Variants in DPEP3 observed in about 807,000 individuals in gnomAD.
The protein encoded by DPEP3 is dipeptidase 3, also known as membrane-bound dipeptidase 3.
A neutral mutation model predicts 47.5 loss-of-function variants in DPEP3; 42 were observed. The ratio of observed to expected loss-of-function variants is 0.88; its 90% CI spans 0.69 to 1.14. The LOEUF is 1.14. DPEP3 is among the 50% of genes most tolerant of loss of function. The pLI is 0.00. For missense variants in DPEP3, 560 were observed against 635.0 expected (o/e 0.88, Z 1.27); for synonymous variants, 276 against 270.2 (o/e 1.02, Z -0.21).
chr16:67,980,021 A>G, intron 1 of DPEP3, 73 bp downstream of exon 1: 1 of 1,528,940 alleles, frequency 6.5e-7, no homozygotes, highest in Non-Finnish European at 8.8e-7. Flanking sequence ...CCTCCTTGAT[A>G]GCATGCTCAG....
chr16:67,979,260 C>T (rs1269327161), intron 2 of DPEP3, among the ~76,000 whole-genome samples: 2 of 152,128 alleles, frequency 1.3e-5, no homozygotes, highest in African/African-American at 4.8e-5. Context: ...GAACCGAGAT[C>T]GTGCCACTGT....
rs774627773 is a variant in DPEP3, at chr16:67,980,228, G to A, written c.153C>T (p.Ser51=). ...CACCCGGCGTGGTGAAGAGGCTGGGGGAGCCCAGCGTGGAGAGGGCTCTGG... is the reference window on the plus strand; with the variant it reads ...CACCCGGCGTGGTGAAGAGGCTGGGAGAGCCCAGCGTGGAGAGGGCTCTGG... The part of the protein sequence containing the change: ...GAPRALSTLG[S]PSLFTTPGVP... Residue 51 remains serine, a synonymous_variant, in exon 1 of 10, where the codon TCC becomes TCT. Transcript: ENST00000268793. The A allele has an allele frequency of 5.0e-6, 8 of 1,609,204 alleles. No homozygotes were observed. The highest frequency in any genetic ancestry group is 1.1e-5 in the South Asian group (1 of 90,646).
chr16:67,978,754 C>T lies in DPEP3; in HGVS notation c.415-128G>A. On this transcript the variant is annotated intron_variant, in intron 2 of 9. Transcript: ENST00000268793. The surrounding 1 kb of genome is among the most constrained non-coding windows in gnomAD (Gnocchi z 4.4). The stretch of plus-strand genomic sequence containing the variant: ...GCCCCAAGTGAGGCACTACATGACT[C>T]CATGGTACCTTGATGACTTTTTTTA... 1 of 1,034,248 alleles carries T rather than the reference C, an allele frequency of 9.7e-7. No homozygotes were observed. Among genetic ancestry groups the T allele is most frequent in the Admixed American group, 2.4e-5 (1 of 41,932 alleles). The allele number at this position is 1,034,248 out of a possible 1,614,324, so 64.1% of individuals were successfully genotyped here.
chr16:67,976,836 C>T (rs146954820), intron 7 of DPEP3, 61 bp from the exon 8 acceptor site: 2 of 1,435,360 alleles, frequency 1.4e-6, no homozygotes, highest in African/African-American at 1.4e-5. Context: ...CAGCCCTGTC[C>T]CCAGCACTCC....
chr16:67,978,282 G>A lies in DPEP3; in HGVS notation c.671C>T (p.Thr224Ile). ...LGVRYLTLTF[T>I]CSTPWAESST... ...TTATGCTCACCATGGTGTACTGCAG[G>A]TGAAGGTAAGTGTCAGGTAGCGCAC... The change falls in exon 4 of 10, where the codon ACC becomes ATC. Residue 224 changes from threonine to isoleucine, a missense_variant. Coordinates refer to ENST00000268793, the MANE Select transcript of DPEP3 (RefSeq NM_001370198.1). The surrounding 1 kb of genome is among the most constrained non-coding windows in gnomAD (Gnocchi z 4.4). The A allele has an allele frequency of 6.2e-7, 1 of 1,614,158 alleles. No homozygotes were observed. Among genetic ancestry groups the A allele is most frequent in the South Asian group, 1.1e-5 (1 of 91,092 alleles).
chr16:67,978,613 G>C lies in DPEP3; in HGVS notation c.428C>G (p.Ser143Cys). 1 of 1,613,810 alleles carries C rather than the reference G, an allele frequency of 6.2e-7. No homozygotes were observed. Among genetic ancestry groups the C allele is most frequent in the Non-Finnish European group, 8.5e-7 (1 of 1,179,856 alleles). ...GLVGAQFWSA[S>C]VSCQSQDQTA... ...CTGGTCCTGGGACTGGCATGAGACG[G>C]AGGCTGACCAGAACTGAGGGTAGGT... The change falls in exon 3 of 10, where the codon TCC becomes TGC. Residue 143 changes from serine (S) to cysteine (C), a missense_variant. Ser to Cys is a moderately radical substitution (Grantham distance 112, BLOSUM62 -1). Coordinates refer to ENST00000268793, the MANE Select transcript of DPEP3 (RefSeq NM_001370198.1). The surrounding 1 kb of genome is among the most constrained non-coding windows in gnomAD (Gnocchi z 4.4).
chr16:67,980,074 C>CA lies in DPEP3; in HGVS notation c.287+19dup, dbSNP rs753122771. ...AAGGGTGTGCTCACCCCGCGTTGCCCAAACGCTGCACCTACATACCCGTCC... is the reference window on the plus strand; with the variant it reads ...AAGGGTGTGCTCACCCCGCGTTGCCCAAAACGCTGCACCTACATACCCGTCC... On this transcript the variant is annotated intron_variant, in intron 1 of 9. Coordinates refer to ENST00000268793, the MANE Select transcript of DPEP3 (RefSeq NM_001370198.1). 2 of 1,596,418 alleles carry CA rather than the reference C, an allele frequency of 1.3e-6. No homozygotes were observed. Among genetic ancestry groups the CA allele is most frequent in the East Asian group, 4.5e-5 (2 of 44,788 alleles).
chr16:67,978,219 A>C lies in DPEP3; in HGVS notation c.686+48T>G. 1 of 1,612,358 alleles carries C rather than the reference A, an allele frequency of 6.2e-7. No homozygotes were observed. On this transcript the variant is annotated intron_variant, in intron 4 of 9. Transcript: ENST00000268793. The surrounding 1 kb of genome is among the most constrained non-coding windows in gnomAD (Gnocchi z 4.4). ...GTCACACCCATGCCAGGAATGGGGC[A>C]GTTTCCACACCATGCCATCTAGCAT...
chr16:67,979,254 C>T (rs1334377284), intron 2 of DPEP3, among the ~76,000 whole-genome samples: 4 of 152,220 alleles, frequency 2.6e-5, no homozygotes, highest in Admixed American at 6.5e-5. Context: ...TGCAGTGAAC[C>T]GAGATCGTGC....
rs1014861788 is a variant in DPEP3 at position 67,979,726 on chromosome 16, C to T, written c.327G>A (p.Lys109=). ...DLPQVLRQRY[K]NVLQDVNLRN... Reference sequence around the variant, plus strand: ...GCAGGTTAACATCCTGAAGCACATTCTTGTAACGCTGTCTCAGGACCTGGG... The same window carrying T: ...GCAGGTTAACATCCTGAAGCACATTTTTGTAACGCTGTCTCAGGACCTGGG... Residue 109 remains lysine (K), a synonymous_variant, in exon 2 of 10, where the codon AAG becomes AAA. Coordinates refer to ENST00000268793, the MANE Select transcript of DPEP3 (RefSeq NM_001370198.1). The T allele has an allele frequency of 1.2e-6, 2 of 1,613,992 alleles. No homozygotes were observed. Among genetic ancestry groups the T allele is most frequent in the African/African-American group, 2.7e-5 (2 of 74,918 alleles).
rs756554852 is a variant in DPEP3, at chr16:67,980,292, C to CGCAGCA, written c.83_88dup (p.Leu28_Leu29dup). 4.4e-6 allele frequency: 7 copies of CGCAGCA among 1,574,626 alleles called. No individual in the cohort carries two copies. The South Asian group carries it at 5.7e-5, about 13-fold the overall frequency. On this transcript the variant is annotated inframe_insertion, in exon 1 of 10. Coordinates refer to ENST00000268793, the MANE Select transcript of DPEP3 (RefSeq NM_001370198.1). ...GGTCTCCGCGCGGGTTACGGGCTGC[C>CGCAGCA]GCAGCAGCAGCAGCAGTAGCAGGAG...
At chr16:67,976,058 A>T in intron 9 of DPEP3, 35 bp downstream of exon 9, 1 of 1,613,800 alleles carries the variant, frequency 6.2e-7, no homozygotes, top group Non-Finnish European at 8.5e-7. Flanking sequence ...CCCTTCTCAA[A>T]CCACTGAACC....
rs2031278906 is a variant in DPEP3, at chr16:67,979,675, G to C, written c.378C>G (p.Ser126Arg). ...NLRNFSHGQTSLDRLRDGLVG... is the reference protein window; with the variant it reads ...NLRNFSHGQTRLDRLRDGLVG... ...CGAGGCCGTCTCTAAGCCTGTCCAG[G>C]CTGGTCTGACCATGGCTGAAATTTC... Residue 126 changes from serine to arginine, a missense_variant, in exon 2 of 10, where the codon AGC becomes AGG. Ser to Arg is a moderately radical substitution (Grantham distance 110). Transcript: ENST00000268793. 4.3e-6 allele frequency: 7 copies of C among 1,614,140 alleles called. No homozygotes were observed. Among genetic ancestry groups the C allele is most frequent in the Non-Finnish European group, 5.9e-6 (7 of 1,180,020 alleles).
In DPEP3 at chr16:67,980,285, G is replaced by T; in HGVS notation, c.96C>A (p.Pro32=). 6.3e-7 allele frequency: 1 copy of T among 1,579,978 alleles called. No homozygotes were observed. The change falls in exon 1 of 10, where the codon CCC becomes CCA. Residue 32 remains proline, a synonymous_variant. Transcript: ENST00000268793. The stretch of plus-strand genomic sequence containing the variant: ...CCGGCGTGGTCTCCGCGCGGGTTAC[G>T]GGCTGCCGCAGCAGCAGCAGCAGTA... The part of the protein sequence containing the change: ...LLLLLLLLRQ[P]VTRAETTPGA...
At position 67,978,376 on chromosome 16, in the gene DPEP3, T is replaced by C. The variant is rs755916313; in HGVS notation, c.577A>G (p.Ile193Val). The C allele has an allele frequency of 1.2e-6, 2 of 1,614,008 alleles. No individual in the cohort carries two copies. The highest frequency in any genetic ancestry group is 3.3e-5 in the Admixed American group (2 of 60,016). Reference protein sequence around the residue: ...LNSSQKLACLIGVEGGHSLDS... With the variant: ...LNSSQKLACLVGVEGGHSLDS... ...AGTGAGTGACCACCCTCCACGCCAA[T>C]GAGGCAGGCCAGCTTTTGAGAGCTG... Residue 193 changes from isoleucine to valine, a missense_variant, in exon 4 of 10, where the codon ATT becomes GTT. Transcript: ENST00000268793. The surrounding 1 kb of genome is among the most constrained non-coding windows in gnomAD (Gnocchi z 4.4).
chr16:67,977,390 TG>T, intron 6 of DPEP3, 36 bp from the exon 7 acceptor site: 1 of 1,590,986 alleles, frequency 6.3e-7, no homozygotes, highest in Middle Eastern at 1.7e-4. Flanking sequence ...TCAGCCCTTC[TG>T]GCCTGAGAAC....
In DPEP3 at chr16:67,978,229, C is replaced by T. The variant is rs751445585; in HGVS notation, c.686+38G>A. 1.9e-6 allele frequency: 3 copies of T among 1,613,130 alleles called. No homozygotes were observed. Among genetic ancestry groups the T allele is most frequent in the Admixed American group, 1.7e-5 (1 of 59,978 alleles). On this transcript the variant is annotated intron_variant, in intron 4 of 9. Transcript: ENST00000268793. The surrounding 1 kb of genome is among the most constrained non-coding windows in gnomAD (Gnocchi z 4.4). Reference sequence around the variant, plus strand: ...TGCCAGGAATGGGGCAGTTTCCACACCATGCCATCTAGCATCCTGGCCAGG... The same window carrying T: ...TGCCAGGAATGGGGCAGTTTCCACATCATGCCATCTAGCATCCTGGCCAGG...
Position 67,976,107 on chromosome 16 carries a change from T to C in DPEP3, c.1216A>G (p.Arg406Gly). The change falls in exon 9 of 10, where the codon AGA (arginine) becomes GGA (glycine). Residue 406 changes from arginine (R) to glycine (G), a missense_variant. By Grantham distance (125) the Arg-to-Gly change is moderately radical (BLOSUM62 -2). Transcript: ENST00000268793. ...GCCCAGCTTACCTTTTCCACTTGTC[T>C]GAAGACCCGCAGCAGGTTTCCACGA... is the stretch of plus-strand genomic sequence containing the variant. ...VLRGNLLRVF[R>G]QVEKVREESR... 1 of 1,614,210 alleles carries C rather than the reference T, an allele frequency of 6.2e-7. No homozygotes were observed. The highest frequency in any genetic ancestry group is 8.5e-7 in the Non-Finnish European group (1 of 1,180,032).
chr16:67,977,919 A>G lies in DPEP3; in HGVS notation c.756+19T>C. 1 of 1,613,994 alleles carries G rather than the reference A, an allele frequency of 6.2e-7. No individual in the cohort carries two copies. The highest frequency in any genetic ancestry group is 8.5e-7 in the Non-Finnish European group (1 of 1,179,878). ...CCGTAGGCAGCAGGTGGGTTGGGGT[A>G]CAAAACAGGAGTCCTCACCTCACCA... On this transcript the variant is annotated intron_variant, in intron 5 of 9. Coordinates refer to ENST00000268793, the MANE Select transcript of DPEP3 (RefSeq NM_001370198.1).
Sources: gnomAD v4.1 joint callset for allele counts (sites outside exome capture counted in the v4.1 genomes callset) on GRCh38, gnomAD v4.1.1 for gene constraint, Gnocchi (gnomAD v3.1) non-coding constraint, MANE v1.5 for transcripts, NCBI Gene and HGNC (gene_info 2026-07-23, HGNC 2026-07-21) for gene names.